Variants in NFASC observed in about 807,000 individuals in gnomAD.
NFASC encodes the protein neurofascin.
NFASC carries 43 observed loss-of-function variants against 147.5 expected under a neutral mutation model. The ratio of observed to expected loss-of-function variants is 0.29; its 90% confidence interval spans 0.23 to 0.38. NFASC has a LOEUF of 0.38. Ranked by LOEUF, NFASC falls within the 10% of genes least tolerant of loss-of-function variation. NFASC has a pLI of 1.00. For missense variants in NFASC, 1,320 were observed against 1,689.0 expected, an observed-to-expected ratio of 0.78 and a Z score of 3.83; for synonymous variants, 622 against 665.5, an observed-to-expected ratio of 0.93 and a Z score of 1.01.
intron 1 of NFASC, among the ~76,000 whole-genome samples, chr1:204,886,698 A>G (rs2081372021): frequency 6.6e-6 from 1 of 152,226 alleles, no homozygotes; most frequent in South Asian, 2.1e-4. Flanking sequence ...ACAAATCAGT[A>G]AACTGAGGCC....
intron 1 of NFASC, among the ~76,000 whole-genome samples, chr1:204,854,213 C>T (rs2075955752): frequency 6.6e-6 from 1 of 151,994 alleles, no homozygotes; most frequent in Non-Finnish European, 1.5e-5. Flanking sequence ...AGGGGATGCA[C>T]GAGTTGGGGG....
intron 1 of NFASC, among the ~76,000 whole-genome samples, chr1:204,873,306 AAGATGC>A (rs1343706538): frequency 2.6e-5 from 4 of 152,172 alleles, no homozygotes; most frequent in African/African-American, 9.7e-5. Context: ...TCTGCCATGA[AAGATGC>A]TGGACCATGT....
At chr1:204,898,172 C>T (rs893156560) in intron 1 of NFASC, among the ~76,000 whole-genome samples, 1 of 152,206 alleles carries the variant, frequency 6.6e-6, no homozygotes, top group African/African-American at 2.4e-5. Flanking sequence ...TGTTGAGCTA[C>T]TGTGCCCGGC....
intron 8 of NFASC, chr1:204,967,972 C>CATTAAAAAACTTA: frequency 2.9e-6 from 1 of 346,450 alleles, no homozygotes; most frequent in Non-Finnish European, 5.4e-6. Flanking sequence ...CCTCCCCGTT[C>CATTAAAAAACTTA]CAGGGAAGGG....
intron 1 of NFASC, among the ~76,000 whole-genome samples, chr1:204,830,514 C>T (rs1671898946): frequency 6.6e-6 from 1 of 152,276 alleles, no homozygotes; most frequent in African/African-American, 2.4e-5. Flanking sequence ...TTTGTCTTGA[C>T]TGAGCTGGCA....
chr1:204,973,502 C>T (rs1343125184), intron 12 of NFASC, 83 bp downstream of exon 12: 22 of 1,519,264 alleles, frequency 1.4e-5, no homozygotes, highest in Non-Finnish European at 2.0e-5. Context: ...TCGTGGGGCA[C>T]ACTTTCTTCT....
chr1:204,833,882 G>C (rs897067355), intron 1 of NFASC, among the ~76,000 whole-genome samples: 5 of 152,160 alleles, frequency 3.3e-5, no homozygotes, highest in African/African-American at 4.8e-5. Flanking sequence ...GCAAAATGGG[G>C]ATATTAATAT....
intron 11 of NFASC, among the ~76,000 whole-genome samples, chr1:204,971,429 A>G (rs906784755): frequency 1.3e-5 from 2 of 152,108 alleles, no homozygotes; most frequent in African/African-American, 4.8e-5. Flanking sequence ...TACTTTCTCT[A>G]AGAGGTCAGA....
At chr1:204,991,356 C>A (rs370183978) in intron 24 of NFASC, 50 bp downstream of exon 24, 1 of 1,596,424 alleles carries the variant, frequency 6.3e-7, no homozygotes, top group African/African-American at 1.3e-5. Context: ...GCAGCGCAGG[C>A]GGAGCCCAGC....
intron 21 of NFASC, chr1:204,985,831 A>G: frequency 1.1e-6 from 1 of 876,990 alleles, no homozygotes; most frequent in Non-Finnish European, 1.8e-6. Context: ...CAAAGGAAAG[A>G]CCGGTCACTA....
chr1:204,835,207 G>A lies in NFASC; in HGVS notation c.-200+6425G>A, dbSNP rs12118612. 9.1e-3 allele frequency among the ~76,000 whole-genome samples: 1,347 copies of A among 148,560 alleles called. 11 individuals carry two copies. Among genetic ancestry groups the A allele is most frequent in the Non-Finnish European group, 0.014 (972 of 67,594 alleles). On this transcript the variant is annotated intron_variant, in intron 1 of 29. Transcript: ENST00000339876. ...CCTCTTGCAAGAGGAAGTACTTGAG[G>A]TGGGTCTTTTTTTTTTTTTTTTTTT...
intron 1 of NFASC, among the ~76,000 whole-genome samples, chr1:204,844,338 GT>G (rs1303769507): frequency 2.0e-5 from 3 of 152,176 alleles, no homozygotes; most frequent in Non-Finnish European, 4.4e-5. Context: ...AAAGTTAGCT[GT>G]TGTATTCTTG....
chr1:204,833,730 G>A (rs368846835), intron 1 of NFASC, among the ~76,000 whole-genome samples: 154 of 152,290 alleles, frequency 1.0e-3, no homozygotes, highest in South Asian at 4.1e-3. Context: ...TCAAAGAAAA[G>A]CATGATTTGT....
rs370022819 is a variant in NFASC at position 204,899,893 on chromosome 1, T to C, written c.-199-20739T>C. Among the ~76,000 whole-genome samples the C allele has an allele frequency of 5.3e-5, 8 of 152,338 alleles. 1 individual carries two copies. The highest frequency in any genetic ancestry group is 1.9e-4 in the African/African-American group (8 of 41,584). ...ATGACCTTGAATAAGGGGATCCTATTTGTCCTCAGATAAAGGATTTTTAAA... is the reference window on the plus strand; with the variant it reads ...ATGACCTTGAATAAGGGGATCCTATCTGTCCTCAGATAAAGGATTTTTAAA... On this transcript the variant is annotated intron_variant, in intron 1 of 29. Transcript: ENST00000339876.
chr1:204,918,417 ATTC>A (rs759097203), intron 1 of NFASC, among the ~76,000 whole-genome samples: 3 of 152,176 alleles, frequency 2.0e-5, no homozygotes, highest in East Asian at 1.9e-4. Flanking sequence ...GCCCAAGACA[ATTC>A]TTCTTCTTGC....
intron 15 of NFASC, among the ~76,000 whole-genome samples, chr1:204,976,138 C>T (rs1244191261): frequency 6.6e-6 from 1 of 152,152 alleles, no homozygotes; most frequent in African/African-American, 2.4e-5. Flanking sequence ...AGAGGGTGTT[C>T]CCCTCTGTAA....
intron 21 of NFASC, chr1:204,985,800 G>A (rs1257249698): frequency 1.4e-6 from 1 of 699,504 alleles, no homozygotes; most frequent in African/African-American, 1.8e-5. Context: ...AGGTCATTTG[G>A]GACTTGGAGG....
At chr1:204,918,611 G>C (rs2089812140) in intron 1 of NFASC, among the ~76,000 whole-genome samples, 4 of 144,660 alleles carry the variant, frequency 2.8e-5, no homozygotes, top group Middle Eastern at 3.5e-3. Context: ...TTTGAGATAG[G>C]GTCTTGCCCT....
chr1:205,012,343 G>C (rs964075145), intron 28 of NFASC, among the ~76,000 whole-genome samples: 5 of 152,246 alleles, frequency 3.3e-5, no homozygotes, highest in Non-Finnish European at 5.9e-5. Context: ...GCTAGGAACT[G>C]TGAAGAAGCA....
Sources: allele counts gnomAD v4.1 joint callset (sites outside exome capture counted in the v4.1 genomes callset), GRCh38; gene constraint gnomAD v4.1.1; transcripts MANE v1.5; gene names NCBI Gene and HGNC (gene_info 2026-07-23, HGNC 2026-07-21).